The following EPB41L2 variants were observed in gnomAD, a reference collection of about 807,000 sequenced individuals.
EPB41L2 encodes the protein band 4.1-like protein 2.
A neutral mutation model predicts 113.0 loss-of-function variants in EPB41L2; 43 were observed. The observed-to-expected ratio is 0.38, with a 90% CI of 0.30 to 0.49. The LOEUF is 0.49. Among genes scored for constraint, EPB41L2 ranks in the 20% least tolerant of loss-of-function variants. The pLI is 0.95. For synonymous variants in EPB41L2, 442 were observed against 436.7 expected, an observed-to-expected ratio of 1.01 and a Z score of -0.15; for missense variants, 1,147 against 1,223.4, an observed-to-expected ratio of 0.94 and a Z score of 0.93.
At chr6:130,997,540 A>C (rs1783426639) in intron 1 of EPB41L2, among the ~76,000 whole-genome samples, 1 of 152,218 alleles carries the variant, frequency 6.6e-6, no homozygotes, top group South Asian at 2.1e-4. Context: ...GTTATATGAC[A>C]ACTGTTACTG....
At chr6:130,999,564 G>A (rs953522031) in intron 1 of EPB41L2, among the ~76,000 whole-genome samples, 1 of 152,100 alleles carries the variant, frequency 6.6e-6, no homozygotes, top group Non-Finnish European at 1.5e-5. Flanking sequence ...CAAGAAAATG[G>A]GGGAAGCATG....
intron 3 of EPB41L2, among the ~76,000 whole-genome samples, chr6:130,954,546 G>A (rs916139437): frequency 6.6e-6 from 1 of 152,020 alleles, no homozygotes; most frequent in Non-Finnish European, 1.5e-5. Context: ...ATTAGTATAC[G>A]TTACGTAAAT....
At chr6:130,934,131 C>T (rs547691116) in intron 3 of EPB41L2, among the ~76,000 whole-genome samples, 12 of 152,192 alleles carry the variant, frequency 7.9e-5, no homozygotes, top group Middle Eastern at 3.4e-3. Context: ...TAAAACCATA[C>T]GGAAGAAGAG....
At chr6:130,964,172 C>T (rs555338507) in intron 1 of EPB41L2, among the ~76,000 whole-genome samples, 1 of 152,174 alleles carries the variant, frequency 6.6e-6, no homozygotes, top group East Asian at 1.9e-4. Context: ...CAGGTGCATG[C>T]CACCATGCCC....
chr6:130,913,088 C>G (rs1405424187), intron 4 of EPB41L2, among the ~76,000 whole-genome samples: 1 of 152,156 alleles, frequency 6.6e-6, no homozygotes, highest in Admixed American at 6.5e-5. Flanking sequence ...AACCCTGTGT[C>G]CCAGCCACCT....
intron 1 of EPB41L2, among the ~76,000 whole-genome samples, chr6:130,980,179 T>C (rs1370128042): frequency 1.3e-5 from 2 of 152,104 alleles, no homozygotes; most frequent in Admixed American, 6.6e-5. Context: ...AAGAAAAATC[T>C]AATGGCTACA....
chr6:130,894,467 A>G, intron 9 of EPB41L2, 26 bp from the exon 10 acceptor site: 1 of 1,599,702 alleles, frequency 6.3e-7, no homozygotes, highest in Non-Finnish European at 8.6e-7. Flanking sequence ...AAAACAAATC[A>G]GCATATTTCC....
rs769314223 is a variant in EPB41L2 at position 130,956,457 on chromosome 6, T to G, written c.29A>C (p.Glu10Ala). The change falls in exon 2 of 20, where the codon GAA (glutamate) becomes GCA (alanine). Residue 10 changes from glutamate (E) to alanine (A), a missense_variant. Glu to Ala is a moderately radical substitution (Grantham distance 107). Coordinates refer to ENST00000337057, the MANE Select transcript of EPB41L2 (RefSeq NM_001431.4). MTTEVGSVS[E>A]VKKDSSQLGT... ...TAACTGGCTAGAGTCCTTCTTCACT[T>G]CAGACACAGAGCCTACTTCAGTAGT... 1.2e-6 allele frequency: 2 copies of G among 1,613,820 alleles called. No homozygotes were observed. The highest frequency in any genetic ancestry group is 1.7e-6 in the Non-Finnish European group (2 of 1,179,986).
At chr6:130,941,557 C>T (rs1213156433) in intron 3 of EPB41L2, among the ~76,000 whole-genome samples, 3 of 152,176 alleles carry the variant, frequency 2.0e-5, no homozygotes, top group Non-Finnish European at 4.4e-5. Flanking sequence ...ACATTTGATT[C>T]ATACAGGCTT....
rs1454953490 is a variant in EPB41L2, at chr6:130,955,141, G to A, written c.669C>T (p.Thr223=). 1.2e-6 allele frequency: 2 copies of A among 1,613,966 alleles called. No individual in the cohort carries two copies. Among genetic ancestry groups the A allele is most frequent in the East Asian group, 2.2e-5 (1 of 44,868 alleles). ...AGCTGTATTCGGTGCCATCTAAGAG[G>A]GTCACTTTACACTGGACAGTTTTGG... ...KKTKTVQCKV[T]LLDGTEYSCD... is the part of the protein sequence containing the mutation. Residue 223 remains threonine, a synonymous_variant, in exon 3 of 20, where the codon ACC becomes ACT. Coordinates refer to ENST00000337057, the MANE Select transcript of EPB41L2 (RefSeq NM_001431.4).
At chr6:130,891,854 C>T (rs1239636921) in intron 10 of EPB41L2, among the ~76,000 whole-genome samples, 2 of 152,098 alleles carry the variant, frequency 1.3e-5, no homozygotes, top group African/African-American at 2.4e-5. Context: ...TGCAAGCCAC[C>T]GTAATTTTCT....
At chr6:130,950,518 G>A (rs1814551488) in intron 3 of EPB41L2, among the ~76,000 whole-genome samples, 1 of 151,644 alleles carries the variant, frequency 6.6e-6, no homozygotes, top group Admixed American at 6.6e-5. Flanking sequence ...TTGAATCAAC[G>A]ATTTAAAAAA....
intron 1 of EPB41L2, among the ~76,000 whole-genome samples, chr6:131,050,360 A>G (rs1430492021): frequency 6.6e-6 from 1 of 152,154 alleles, no homozygotes; most frequent in Non-Finnish European, 1.5e-5. Flanking sequence ...GAAAGACTCA[A>G]ATCATTTAGT....
At chr6:131,019,261 T>C (rs1162850140) in intron 1 of EPB41L2, among the ~76,000 whole-genome samples, 1 of 152,194 alleles carries the variant, frequency 6.6e-6, no homozygotes, top group Admixed American at 6.5e-5. Context: ...GAGTTTTGCA[T>C]TTTTAGAAAC....
At chr6:130,937,008 G>A (rs752029744) in intron 3 of EPB41L2, among the ~76,000 whole-genome samples, 6 of 152,160 alleles carry the variant, frequency 3.9e-5, no homozygotes, top group African/African-American at 1.4e-4. Context: ...GCAAAATTGC[G>A]CATAAGGTAC....
At chr6:131,020,165 G>A (rs2128737438) in intron 1 of EPB41L2, among the ~76,000 whole-genome samples, 1 of 152,112 alleles carries the variant, frequency 6.6e-6, no homozygotes, top group African/African-American at 2.4e-5. Context: ...TAGATAAAAT[G>A]TTAAAGGGTT....
intron 1 of EPB41L2, among the ~76,000 whole-genome samples, chr6:130,995,854 G>C (rs2128703685): frequency 6.6e-6 from 1 of 152,296 alleles, no homozygotes; most frequent in East Asian, 1.9e-4. Flanking sequence ...TTGGAACGCT[G>C]TCATATCCTC....
chr6:130,896,496 G>A (rs1002604486), intron 8 of EPB41L2, among the ~76,000 whole-genome samples: 4 of 152,176 alleles, frequency 2.6e-5, no homozygotes, highest in African/African-American at 9.6e-5. Flanking sequence ...TACCACAAGT[G>A]GGGAGGCAAC....
At chr6:130,912,279 T>G (rs940220346) in intron 4 of EPB41L2, among the ~76,000 whole-genome samples, 13 of 152,236 alleles carry the variant, frequency 8.5e-5, no homozygotes, top group Non-Finnish European at 1.9e-4. Flanking sequence ...TATTCAGATA[T>G]ATAAAGCAAA....
Sources: gnomAD v4.1 joint callset for allele counts (sites outside exome capture counted in the v4.1 genomes callset) on GRCh38, gnomAD v4.1.1 for gene constraint, MANE v1.5 for transcripts, NCBI Gene and HGNC (gene_info 2026-07-23, HGNC 2026-07-21) for gene names.